Variants in SLC22A23 observed in about 807,000 individuals in gnomAD.
SLC22A23 encodes ion transporter protein.
Under a neutral mutation model 61.0 loss-of-function variants are expected in SLC22A23, and 26 were observed. That is an observed-to-expected ratio of 0.43 (90% CI 0.31 to 0.59). SLC22A23 has a LOEUF of 0.59. Ranked by LOEUF, SLC22A23 falls within the 20% of genes least tolerant of loss-of-function variation. The pLI, the probability that SLC22A23 is intolerant of heterozygous loss-of-function variation, is 0.11. For missense variants in SLC22A23, 796 were observed against 934.7 expected (o/e 0.85, Z 1.94); for synonymous variants, 430 against 413.9 (o/e 1.04, Z -0.47).
rs1432330281 is a variant in SLC22A23 at position 3,272,773 on chromosome 6, TGA to T, written c.*280_*281del. On this transcript the variant is annotated 3_prime_UTR_variant, in exon 10 of 10. Transcript: ENST00000406686. ...GGGAGGTGATTCCATTTGTGATCAG[TGA>T]GAGGGAGAGGGAATAAAGTGCTTCT... 7.1e-6 allele frequency: 2 copies of T among 281,740 alleles called. No individual in the cohort carries two copies. Among genetic ancestry groups the T allele is most frequent in the East Asian group, 1.5e-4 (2 of 12,968 alleles). 17.5% of individuals were successfully genotyped at this position (281,740 alleles called of 1,614,324 possible).
intron 3 of SLC22A23, among the ~76,000 whole-genome samples, chr6:3,366,045 G>A (rs769488884): frequency 1.3e-5 from 2 of 152,092 alleles, no homozygotes; most frequent in Non-Finnish European, 2.9e-5. Flanking sequence ...AAAGAGAAGG[G>A]TATGGCTGGG....
intron 3 of SLC22A23, among the ~76,000 whole-genome samples, chr6:3,359,455 A>G (rs1765302905): frequency 6.6e-6 from 1 of 152,246 alleles, no homozygotes; most frequent in Non-Finnish European, 1.5e-5. Flanking sequence ...CGTCACTGTC[A>G]TCGGGGAAAT....
Position 3,311,838 on chromosome 6 carries a change from T to C in SLC22A23, c.1082+11996A>G, listed in dbSNP as rs527412681. ...TGCTCTAGAAAAATTATGGTGGAAATCTCTTGGGAGCCCTGGGTTTGTGTG... is the reference window on the plus strand; with the variant it reads ...TGCTCTAGAAAAATTATGGTGGAAACCTCTTGGGAGCCCTGGGTTTGTGTG... On this transcript the variant is annotated intron_variant, in intron 4 of 9. Transcript: ENST00000406686. 2.6e-5 allele frequency: 4 copies of C among 152,292 alleles called. No individual in the cohort carries two copies. The South Asian group carries it at 6.2e-4, about 24-fold the overall frequency. 9.4% of individuals were successfully genotyped at this position (152,292 alleles called of 1,614,324 possible). A position where few individuals can be genotyped will look rare whatever the true frequency, so the allele number is the denominator to read the frequency against.
chr6:3,401,641 C>T (rs2127499316), intron 3 of SLC22A23, among the ~76,000 whole-genome samples: 1 of 152,330 alleles, frequency 6.6e-6, no homozygotes, highest in East Asian at 1.9e-4. Context: ...CTTGACTCTG[C>T]TGTCAGCCCC....
chr6:3,440,303 G>A (rs1269450181), intron 1 of SLC22A23, among the ~76,000 whole-genome samples: 1 of 152,130 alleles, frequency 6.6e-6, no homozygotes, highest in Non-Finnish European at 1.5e-5. Context: ...TAACCCCCAG[G>A]ACCTCAGAAT....
intron 3 of SLC22A23, among the ~76,000 whole-genome samples, chr6:3,391,962 A>C (rs1436885034): frequency 1.3e-5 from 2 of 152,110 alleles, no homozygotes; most frequent in African/African-American, 4.8e-5. Context: ...GACACAGTGC[A>C]AGATCAAAGG....
chr6:3,425,762 C>T (rs1770450375), intron 1 of SLC22A23, among the ~76,000 whole-genome samples: 1 of 152,116 alleles, frequency 6.6e-6, no homozygotes, highest in Admixed American at 6.6e-5. Context: ...ACCAGTATGT[C>T]CATTTCACAG....
At chr6:3,394,359 C>T (rs577519002) in intron 3 of SLC22A23, among the ~76,000 whole-genome samples, 5 of 152,158 alleles carry the variant, frequency 3.3e-5, no homozygotes, top group South Asian at 2.1e-4. Flanking sequence ...TCTAGACTCA[C>T]GGGACTCAAG....
intron 3 of SLC22A23, among the ~76,000 whole-genome samples, chr6:3,335,307 C>T (rs1030211620): frequency 6.6e-6 from 1 of 152,168 alleles, no homozygotes; most frequent in Non-Finnish European, 1.5e-5. Flanking sequence ...CACCCCATGC[C>T]ATCTTGCTCT....
At chr6:3,346,548 G>A (rs2127428982) in intron 3 of SLC22A23, among the ~76,000 whole-genome samples, 1 of 152,260 alleles carries the variant, frequency 6.6e-6, no homozygotes, top group African/African-American at 2.4e-5. Context: ...CTGCCACACA[G>A]CTTACAAGGG....
intron 1 of SLC22A23, among the ~76,000 whole-genome samples, chr6:3,446,934 A>T (rs1163139816): frequency 2.0e-5 from 3 of 151,846 alleles, no homozygotes; most frequent in East Asian, 1.9e-4. Context: ...GCCCTGGGGG[A>T]GTTATCAGCA....
Position 3,360,952 on chromosome 6 carries a change from C to T in SLC22A23, c.914-36950G>A, listed in dbSNP as rs970437019. 1.3e-5 allele frequency among the ~76,000 whole-genome samples: 2 copies of T among 152,208 alleles called. No individual in the cohort carries two copies. The highest frequency in any genetic ancestry group is 2.9e-5 in the Non-Finnish European group (2 of 68,034). ...GTACTGGGGTGACGAGAGGCGCTAGCGAACATCAGCAGCTGCGGGGAGCTC... is the reference window on the plus strand; with the variant it reads ...GTACTGGGGTGACGAGAGGCGCTAGTGAACATCAGCAGCTGCGGGGAGCTC... On this transcript the variant is annotated intron_variant, in intron 3 of 9. Transcript: ENST00000406686. This position sits in a 1 kb window ranked among gnomAD's most constrained non-coding sequence, Gnocchi z 4.6.
rs556305462 is a variant in SLC22A23 at position 3,392,594 on chromosome 6, G to C, written c.913+17594C>G. ...ATGAAATGAAAAGGCTTTGCCTCAG[G>C]GGGTGGCAGTGGAGACAGAGAAATT... On this transcript the variant is annotated intron_variant, in intron 3 of 9. Transcript: ENST00000406686. Among the ~76,000 whole-genome samples, 8 of 152,308 alleles carry C rather than the reference G, an allele frequency of 5.3e-5. 1 individual carries two copies. The South Asian group carries it at 1.7e-3, about 32-fold the overall frequency.
At chr6:3,319,284 G>A (rs549937911) in intron 4 of SLC22A23, among the ~76,000 whole-genome samples, 45 of 152,292 alleles carry the variant, frequency 3.0e-4, no homozygotes, top group African/African-American at 9.6e-4. Flanking sequence ...AGGAGAAGCC[G>A]AGCAGAAGCC....
chr6:3,361,953 T>C (rs1439141429), intron 3 of SLC22A23, among the ~76,000 whole-genome samples: 2 of 152,180 alleles, frequency 1.3e-5, no homozygotes, highest in African/African-American at 2.4e-5. Flanking sequence ...CACATGCTGA[T>C]GGTCATGCCA....
chr6:3,426,879 C>A (rs557149085), intron 1 of SLC22A23, among the ~76,000 whole-genome samples: 156 of 152,344 alleles, frequency 1.0e-3, no homozygotes, highest in African/African-American at 3.5e-3. Context: ...TACAGGACAG[C>A]ATAATCCTTC....
chr6:3,420,984 C>T (rs1251591285), intron 1 of SLC22A23, among the ~76,000 whole-genome samples: 15 of 151,928 alleles, frequency 9.9e-5, no homozygotes, highest in Non-Finnish European at 1.5e-5. Flanking sequence ...GCCTGTAATC[C>T]CAGCTACTCA....
At chr6:3,381,911 A>G (rs529963237) in intron 3 of SLC22A23, among the ~76,000 whole-genome samples, 1 of 152,266 alleles carries the variant, frequency 6.6e-6, no homozygotes, top group African/African-American at 2.4e-5. Flanking sequence ...TTAAAGAATG[A>G]GAAGACTATG....
chr6:3,373,343 C>T (rs1198693302), intron 3 of SLC22A23, among the ~76,000 whole-genome samples: 7 of 152,208 alleles, frequency 4.6e-5, no homozygotes, highest in Admixed American at 1.3e-4. Flanking sequence ...CTGGACTTTG[C>T]CCCATCTGCT....
Sources: gnomAD v4.1 joint callset for allele counts (sites outside exome capture counted in the v4.1 genomes callset) on GRCh38, gnomAD v4.1.1 for gene constraint, Gnocchi (gnomAD v3.1) non-coding constraint, MANE v1.5 for transcripts, NCBI Gene and HGNC (gene_info 2026-07-23, HGNC 2026-07-21) for gene names.